The following RANBP2 variants were observed in gnomAD, a reference collection of about 807,000 sequenced individuals.
RANBP2 encodes the protein RAN binding protein 2, also known as E3 SUMO-protein ligase RanBP2.
A neutral mutation model predicts 303.6 loss-of-function variants in RANBP2; 57 were observed. That is an observed-to-expected ratio of 0.19 (90% CI 0.15 to 0.23). The LOEUF (loss-of-function observed/expected upper bound fraction) is 0.23, where lower values mean the gene tolerates loss of function less well. Among genes scored for constraint, RANBP2 ranks in the 10% least tolerant of loss-of-function variants. The pLI, the probability that RANBP2 is intolerant of heterozygous loss-of-function variation, is 1.00. For missense variants in RANBP2, 3,138 were observed against 3,780.8 expected, an observed-to-expected ratio of 0.83 and a Z score of 4.46; for synonymous variants, 1,167 against 1,301.5, an observed-to-expected ratio of 0.90 and a Z score of 2.23.
the RANBP2 span, among the ~76,000 whole-genome samples, chr2:109,316,333 A>G: frequency 6.6e-6 from 1 of 152,192 alleles, no homozygotes; most frequent in African/African-American, 2.4e-5. Context: ...ACATGTTGCC[A>G]GGTGATGGTG....
the RANBP2 span, among the ~76,000 whole-genome samples, chr2:108,926,993 T>C: frequency 3.7e-3 from 568 of 152,178 alleles, 5 homozygotes; most frequent in African/African-American, 0.013. Flanking sequence ...TTGTCTGCAG[T>C]AGAGGGGGCA....
chr2:109,610,558 T>C, the RANBP2 span, among the ~76,000 whole-genome samples: 1 of 151,866 alleles, frequency 6.6e-6, no homozygotes, highest in Non-Finnish European at 1.5e-5. Flanking sequence ...CTACTAAAAA[T>C]ACAAAAAATT....
chr2:109,479,455 C>T, the RANBP2 span, among the ~76,000 whole-genome samples: 1 of 152,196 alleles, frequency 6.6e-6, no homozygotes, highest in African/African-American at 2.4e-5. Flanking sequence ...TCTTGTCTGG[C>T]ACAGCTGCCT....
chr2:108,844,254 GGTT>G, the RANBP2 span, among the ~76,000 whole-genome samples: 1 of 152,060 alleles, frequency 6.6e-6, no homozygotes, highest in Non-Finnish European at 1.5e-5. Context: ...AAGTTCTGGT[GGTT>G]GTTGTTATTT....
At chr2:109,344,647 G>C in the RANBP2 span, among the ~76,000 whole-genome samples, 3 of 152,192 alleles carry the variant, frequency 2.0e-5, no homozygotes, top group African/African-American at 7.2e-5. Context: ...TGGGTGCAAG[G>C]AGAGATGACA....
chr2:109,566,811 G>C, the RANBP2 span, among the ~76,000 whole-genome samples: 2 of 152,148 alleles, frequency 1.3e-5, no homozygotes, highest in Non-Finnish European at 2.9e-5. Context: ...GCAGGGAGTA[G>C]ACTGGTCTGT....
At chr2:109,380,720 C>A in the RANBP2 span, among the ~76,000 whole-genome samples, 2 of 152,206 alleles carry the variant, frequency 1.3e-5, no homozygotes, top group Admixed American at 6.5e-5. Flanking sequence ...GAGCCTTGTG[C>A]CATAGTTCCT....
At chr2:109,614,146 C>T in the RANBP2 span, 5 of 1,199,176 alleles carry the variant, frequency 4.2e-6, no homozygotes, top group South Asian at 4.3e-5. Context: ...AGGAAGACGG[C>T]GCGAGGAATG....
the RANBP2 span, among the ~76,000 whole-genome samples, chr2:109,648,778 C>T: frequency 2.0e-5 from 3 of 152,088 alleles, no homozygotes; most frequent in South Asian, 2.1e-4. Flanking sequence ...CTCAGCCTCC[C>T]GAGTAGCTGG....
the RANBP2 span, among the ~76,000 whole-genome samples, chr2:109,369,053 TC>T: frequency 6.6e-6 from 1 of 151,946 alleles, no homozygotes; most frequent in Non-Finnish European, 1.5e-5. Flanking sequence ...AGAAAAGCCC[TC>T]CCACACTTGG....
chr2:109,249,818 G>A, the RANBP2 span, among the ~76,000 whole-genome samples: 120 of 151,336 alleles, frequency 7.9e-4, no homozygotes, highest in South Asian at 1.7e-3. Context: ...CACCGCGCCC[G>A]GCTAATTTTT....
At chr2:109,037,053 G>A in the RANBP2 span, among the ~76,000 whole-genome samples, 1 of 152,130 alleles carries the variant, frequency 6.6e-6, no homozygotes, top group Admixed American at 6.5e-5. Context: ...GCTGAGGTGG[G>A]TGGGAGAATT....
chr2:109,264,965 A>G, the RANBP2 span, among the ~76,000 whole-genome samples: 1 of 152,168 alleles, frequency 6.6e-6, no homozygotes, highest in Non-Finnish European at 1.5e-5. Flanking sequence ...CAGGGGGACT[A>G]GGGAACATGC....
chr2:109,284,690 C>T, the RANBP2 span, among the ~76,000 whole-genome samples: 1 of 152,098 alleles, frequency 6.6e-6, no homozygotes, highest in Non-Finnish European at 1.5e-5. Flanking sequence ...TTTTTGAGAC[C>T]CTTCCCAGTC....
At chr2:109,187,887 C>T in the RANBP2 span, among the ~76,000 whole-genome samples, 9 of 152,266 alleles carry the variant, frequency 5.9e-5, no homozygotes, top group Admixed American at 1.3e-4. Flanking sequence ...CCGCCGTCAC[C>T]GTGGGTGTTA....
chr2:109,585,288 T>A, the RANBP2 span: 1 of 1,608,124 alleles, frequency 6.2e-7, no homozygotes. Flanking sequence ...AAACAATGTG[T>A]CAATCAGTGT....
At chr2:109,005,873 C>T in the RANBP2 span, among the ~76,000 whole-genome samples, 1 of 152,230 alleles carries the variant, frequency 6.6e-6, no homozygotes. Context: ...AACCACAGCC[C>T]AGTTCAGCCT....
chr2:109,125,981 G>T, the RANBP2 span, among the ~76,000 whole-genome samples: 1 of 152,206 alleles, frequency 6.6e-6, no homozygotes, highest in African/African-American at 2.4e-5. Flanking sequence ...GTTGCCAACT[G>T]TTGAACATCA....
At chr2:109,434,960 C>T in the RANBP2 span, among the ~76,000 whole-genome samples, 1 of 152,238 alleles carries the variant, frequency 6.6e-6, no homozygotes, top group African/African-American at 2.4e-5. Context: ...GCTCCTGACA[C>T]TGGAGCACTT....
Sources: allele counts gnomAD v4.1 joint callset (sites outside exome capture counted in the v4.1 genomes callset), GRCh38; gene constraint gnomAD v4.1.1; transcripts MANE v1.5; gene names NCBI Gene and HGNC (gene_info 2026-07-23, HGNC 2026-07-21).